The following FAM227A variants were observed in gnomAD, a reference collection of about 807,000 sequenced individuals.
The protein encoded by FAM227A is protein FAM227A.
A neutral mutation model predicts 74.7 loss-of-function variants in FAM227A; 80 were observed. The ratio of observed to expected loss-of-function variants is 1.07; its 90% CI spans 0.89 to 1.29. The LOEUF is 1.29. Among genes scored for constraint, FAM227A ranks in the 50% most tolerant of loss-of-function variants. The pLI is 0.00. For missense variants in FAM227A, 654 were observed against 683.4 expected (o/e 0.96, Z 0.48); for synonymous variants, 237 against 241.8 (o/e 0.98, Z 0.19).
intron 11 of FAM227A, among the ~76,000 whole-genome samples, chr22:38,613,310 A>ATCATATATAATATATATC (rs1327604346): frequency 2.3e-5 from 1 of 43,986 alleles, no homozygotes; most frequent in Non-Finnish European, 3.9e-5. Context: ...TATAATATAT[A>ATCATATATAATATATATC]ACATATAATA....
rs1373375909 is a variant in FAM227A at position 38,636,580 on chromosome 22, A to G, written c.390T>C (p.Asn130=). The change falls in exon 6 of 17, where the codon AAT becomes AAC. Residue 130 remains asparagine, a synonymous_variant. Transcript: ENST00000535113. ...AATACTGGTACAGCTCTGCCAGCAG[A>G]TTTTTATCTGCTGTTTTCTGAAGCA... ...SVIKRKTADK[N]LLAELYQYSN... The G allele has an allele frequency of 1.1e-5, 17 of 1,551,166 alleles. No homozygotes were observed. The highest frequency in any genetic ancestry group is 1.4e-5 in the Non-Finnish European group (16 of 1,146,834).
At chr22:38,625,702 T>C (rs2091782631) in intron 9 of FAM227A, among the ~76,000 whole-genome samples, 1 of 152,010 alleles carries the variant, frequency 6.6e-6, no homozygotes, top group Non-Finnish European at 1.5e-5. Context: ...TCCCAGCACT[T>C]TGGGAGGCCG....
intron 16 of FAM227A, among the ~76,000 whole-genome samples, 171 bp from the exon 17 acceptor site, chr22:38,586,370 A>G (rs2090809416): frequency 6.6e-6 from 1 of 152,198 alleles, no homozygotes; most frequent in Non-Finnish European, 1.5e-5. Context: ...GCTGGCATCC[A>G]CGGCTTCCAC....
chr22:38,636,356 G>T (rs932732928), intron 6 of FAM227A, 95 bp downstream of exon 6: 6 of 1,360,988 alleles, frequency 4.4e-6, no homozygotes, highest in Non-Finnish European at 3.0e-6. Context: ...GTGGCCCTAG[G>T]TGAGTTCCTC....
rs1349544997 is a variant in FAM227A, at chr22:38,578,540, G to A, written c.*7585C>T. The stretch of plus-strand genomic sequence containing the variant: ...TTTATTCAACACTGCTCAATTCCAC[G>A]TCTCTGCTGGATATAAAGACAGGTA... On this transcript the variant is annotated 3_prime_UTR_variant, in exon 17 of 17. Transcript: ENST00000535113. The A allele has an allele frequency of 2.6e-5, 4 of 152,132 alleles. No individual in the cohort carries two copies. The highest frequency in any genetic ancestry group is 4.4e-5 in the Non-Finnish European group (3 of 68,036). The allele number at this position is 152,132 out of a possible 1,614,324, so 9.4% of individuals were successfully genotyped here.
At chr22:38,609,184 G>A (rs954111543) in intron 11 of FAM227A, among the ~76,000 whole-genome samples, 1 of 152,182 alleles carries the variant, frequency 6.6e-6, no homozygotes, top group Non-Finnish European at 1.5e-5. Context: ...AGGACAAAGA[G>A]ATAAAGCTGT....
intron 12 of FAM227A, among the ~76,000 whole-genome samples, chr22:38,606,950 G>A (rs866315218): frequency 1.3e-5 from 2 of 152,202 alleles, no homozygotes; most frequent in African/African-American, 2.4e-5. Flanking sequence ...AGGCCGAGGC[G>A]GGAGGATCAT....
In FAM227A at chr22:38,582,920, G is replaced by A; in HGVS notation, c.*3205C>T. 2 of 1,550,534 alleles carry A rather than the reference G, an allele frequency of 1.3e-6. No individual in the cohort carries two copies. The highest frequency in any genetic ancestry group is 1.7e-6 in the Non-Finnish European group (2 of 1,146,990). ...ATGAGGGACGTCTAAGCGGGGTCCT[G>A]GAGGAAGAGCAGGAATTAGTGATGT... On this transcript the variant is annotated 3_prime_UTR_variant, in exon 17 of 17. Coordinates refer to ENST00000535113, the MANE Select transcript of FAM227A (RefSeq NM_001013647.2).
chr22:38,647,464 G>A (rs917348261), intron 2 of FAM227A, among the ~76,000 whole-genome samples: 4 of 151,668 alleles, frequency 2.6e-5, no homozygotes, highest in Admixed American at 6.6e-5. Context: ...ACAAAACAAC[G>A]AAACAACAAA....
chr22:38,655,446 G>A (rs571554788), intron 1 of FAM227A, among the ~76,000 whole-genome samples: 8 of 151,278 alleles, frequency 5.3e-5, no homozygotes, highest in African/African-American at 1.7e-4. Context: ...CAGCAGAATC[G>A]CTTGAACCCG....
chr22:38,601,265 G>A (rs2091171435), intron 13 of FAM227A, among the ~76,000 whole-genome samples: 1 of 152,112 alleles, frequency 6.6e-6, no homozygotes. Context: ...GTTCCATGGC[G>A]TGATCAGGGA....
chr22:38,615,883 G>A (rs1410975521), intron 11 of FAM227A, among the ~76,000 whole-genome samples: 1 of 152,198 alleles, frequency 6.6e-6, no homozygotes, highest in Non-Finnish European at 1.5e-5. Context: ...AGGACACTGA[G>A]GGTTAGGAGT....
At chr22:38,624,129 T>C (rs2091747682) in intron 9 of FAM227A, among the ~76,000 whole-genome samples, 1 of 152,106 alleles carries the variant, frequency 6.6e-6, no homozygotes, top group Non-Finnish European at 1.5e-5. Flanking sequence ...AATCAACACT[T>C]GTTCAGTGCT....
Position 38,636,529 on chromosome 22 carries a change from G to A in FAM227A, c.441C>T (p.Asn147=), listed in dbSNP as rs1172388445. ...AGAAGTCCACGCCATTCGGAAGCTT[G>A]TTTGGCTTGGAGCTGTTGAAGTTGG... is the stretch of plus-strand genomic sequence containing the variant. ...QYSNFNSSKP[N]KLPNGVDFCD... is the part of the protein sequence containing the mutation. The change falls in exon 6 of 17, where the codon AAC becomes AAT. Residue 147 remains asparagine, a synonymous_variant. Coordinates refer to ENST00000535113, the MANE Select transcript of FAM227A (RefSeq NM_001013647.2). 2.6e-6 allele frequency: 4 copies of A among 1,551,692 alleles called. No homozygotes were observed. In the East Asian group the frequency reaches 9.8e-5, roughly 38 times the overall value.
At chr22:38,649,932 G>A (rs2092299926) in intron 2 of FAM227A, 95 bp downstream of exon 2, 1 of 1,033,294 alleles carries the variant, frequency 9.7e-7, no homozygotes, top group Non-Finnish European at 1.4e-6. Context: ...AATAAGTAAT[G>A]TGCATTATAG....
chr22:38,586,384 C>T (rs1341271124), intron 16 of FAM227A, among the ~76,000 whole-genome samples, 185 bp from the exon 17 acceptor site: 2 of 152,150 alleles, frequency 1.3e-5, no homozygotes, highest in African/African-American at 4.8e-5. Context: ...CTTCCACATC[C>T]CCAGTGCCTC....
chr22:38,628,735 G>A, intron 7 of FAM227A, 99 bp downstream of exon 7: 3 of 761,660 alleles, frequency 3.9e-6, no homozygotes, highest in Non-Finnish European at 4.5e-6. Context: ...GGTGCTCCAT[G>A]GGATCAGAGG....
chr22:38,610,335 G>C (rs1159884319), intron 11 of FAM227A, among the ~76,000 whole-genome samples: 2 of 152,094 alleles, frequency 1.3e-5, no homozygotes, highest in East Asian at 3.9e-4. Context: ...ACCTGGCAAG[G>C]CTCATTCTTA....
At position 38,639,725 on chromosome 22, in the gene FAM227A, CT is replaced by C; in HGVS notation, c.226-2del. The C allele has an allele frequency of 6.5e-7, 1 of 1,546,932 alleles. No individual in the cohort carries two copies. The highest frequency in any genetic ancestry group is 1.4e-5 in the African/African-American group (1 of 73,014). Reference sequence around the variant, plus strand: ...TCTCCAACTCAAATCTCTCAATTGCCTTCAAAAACCAAGAAAAAGGGGGGCA... The same window carrying C: ...TCTCCAACTCAAATCTCTCAATTGCCTCAAAAACCAAGAAAAAGGGGGGCA... On this transcript the variant is annotated splice_acceptor_variant, in intron 3 of 16. Transcript: ENST00000535113. LOFTEE classifies it high-confidence loss of function.
Sources: gnomAD v4.1 joint callset for allele counts (sites outside exome capture counted in the v4.1 genomes callset) on GRCh38, gnomAD v4.1.1 for gene constraint, MANE v1.5 for transcripts, NCBI Gene and HGNC (gene_info 2026-07-23, HGNC 2026-07-21) for gene names.